OLFML2B: variants seen among roughly 807,000 people sequenced by gnomAD.
The protein encoded by OLFML2B is olfactomedin like 2B.
Under a neutral mutation model 74.9 loss-of-function variants are expected in OLFML2B, and 57 were observed. The ratio of observed to expected loss-of-function variants is 0.76; its 90% confidence interval spans 0.61 to 0.95. The LOEUF (loss-of-function observed/expected upper bound fraction) is 0.95. Among genes scored for constraint, OLFML2B ranks in the 40% least tolerant of loss-of-function variants. The pLI is 0.00. For synonymous variants in OLFML2B, 388 were observed against 405.8 expected (o/e 0.96, Z 0.53); for missense variants, 986 against 970.6 (o/e 1.02, Z -0.21).
rs561487799 is a variant in OLFML2B at position 162,017,699 on chromosome 1, G to A, written c.439-192C>T. ...ATGGTGTATGTGCATTCTGCCTTCC[G>A]AAATGTTTGGGTAAGAAAATGGGAG... On this transcript the variant is annotated intron_variant, in intron 2 of 7. Transcript: ENST00000294794. Among the ~76,000 whole-genome samples, 15 of 152,342 alleles carry A rather than the reference G, an allele frequency of 9.8e-5. No homozygotes were observed. In the South Asian group the frequency reaches 2.9e-3, roughly 29 times the overall value.
At position 161,983,873 on chromosome 1, in the gene OLFML2B, G is replaced by A. The variant is rs925246313; in HGVS notation, c.2055C>T (p.Ala685=). ...CATTCCGCTGGTTGTAGCTATCCAC[G>A]GCATACAGCACCCCACAGATGACGA... ...NCFVICGVLY[A]VDSYNQRNAN... is the part of the protein sequence containing the mutation. The change falls in exon 8 of 8, where the codon GCC becomes GCT. Residue 685 remains alanine, a synonymous_variant. Coordinates refer to ENST00000294794, the MANE Select transcript of OLFML2B (RefSeq NM_015441.3). The A allele has an allele frequency of 3.1e-6, 5 of 1,614,036 alleles. No homozygotes were observed. The Admixed American group carries it at 5.0e-5, about 16-fold the overall frequency.
chr1:161,983,824 T>C lies in OLFML2B; in HGVS notation c.2104A>G (p.Thr702Ala), dbSNP rs549619997. 9.3e-6 allele frequency: 15 copies of C among 1,614,086 alleles called. No homozygotes were observed. The highest frequency in any genetic ancestry group is 2.7e-5 in the African/African-American group (2 of 74,978). ...GGGACGATCTGTGTGTTGGTGTGGG[T>C]GTCGAAAGCGTAGGAGATGTTGGCA... ...RNANISYAFD[T>A]HTNTQIVPRL... Residue 702 changes from threonine (T) to alanine (A), a missense_variant, in exon 8 of 8, where the codon ACC becomes GCC. Coordinates refer to ENST00000294794, the MANE Select transcript of OLFML2B (RefSeq NM_015441.3).
Position 161,999,334 on chromosome 1 carries a change from T to A in OLFML2B, c.949+779A>T, listed in dbSNP as rs143332501. Reference sequence around the variant, plus strand: ...AATACATATGATGGCAAAGAACTTGTATCCAGAATATGTAAAAAACTACCA... The same window carrying A: ...AATACATATGATGGCAAAGAACTTGAATCCAGAATATGTAAAAAACTACCA... On this transcript the variant is annotated intron_variant, in intron 5 of 7. Transcript: ENST00000294794. Among the ~76,000 whole-genome samples, 1,229 of 152,216 alleles carry A rather than the reference T, an allele frequency of 8.1e-3. 9 individuals are homozygous for A. The highest frequency in any genetic ancestry group is 0.027 in the African/African-American group (1,120 of 41,510).
intron 5 of OLFML2B, 71 bp downstream of exon 5, chr1:162,000,042 G>T: frequency 8.3e-7 from 1 of 1,203,752 alleles, no homozygotes; most frequent in Admixed American, 2.1e-5. Flanking sequence ...CAGGAATCCA[G>T]CCCACTATGG....
rs900089827 is a variant in OLFML2B at position 161,983,293 on chromosome 1, C to T, written c.*382G>A. On this transcript the variant is annotated 3_prime_UTR_variant, in exon 8 of 8. Transcript: ENST00000294794. ...CTTTTTTTCTCGCCACATAGCACTT[C>T]TTTCTTGCCTCTTTCATTTCTGCTC... is the stretch of plus-strand genomic sequence containing the variant. 4 of 162,568 alleles carry T rather than the reference C, an allele frequency of 2.5e-5. No individual in the cohort carries two copies. The South Asian group carries it at 5.9e-4, about 24-fold the overall frequency. The allele number at this position is 162,568 out of a possible 1,614,324, so 10.1% of individuals were successfully genotyped here.
intron 4 of OLFML2B, among the ~76,000 whole-genome samples, chr1:162,005,924 A>AAG (rs1690215869): frequency 6.8e-6 from 1 of 147,434 alleles, no homozygotes; most frequent in Non-Finnish European, 1.5e-5. Context: ...AAAAAAAAAA[A>AAG]AAAATCATGC....
At chr1:161,995,616 T>C (rs572145914) in intron 6 of OLFML2B, among the ~76,000 whole-genome samples, 7 of 151,916 alleles carry the variant, frequency 4.6e-5, no homozygotes, top group African/African-American at 1.7e-4. Flanking sequence ...GGGACCCAGG[T>C]TGGTAGGTTA....
At position 162,009,178 on chromosome 1, in the gene OLFML2B, T is replaced by C. The variant is rs564288397; in HGVS notation, c.547-2705A>G. Among the ~76,000 whole-genome samples the C allele has an allele frequency of 5.4e-4, 82 of 152,186 alleles. No homozygotes were observed. The Middle Eastern group carries it at 0.01, about 19-fold the overall frequency. On this transcript the variant is annotated intron_variant, in intron 3 of 7. Coordinates refer to ENST00000294794, the MANE Select transcript of OLFML2B (RefSeq NM_015441.3). Reference sequence around the variant, plus strand: ...AAATAGACAAGAAAATATCAACTAGTGAAAAGTGCTCTGCAGAAACTCTGC... The same window carrying C: ...AAATAGACAAGAAAATATCAACTAGCGAAAAGTGCTCTGCAGAAACTCTGC...
chr1:161,987,863 G>C (rs578234850), intron 6 of OLFML2B, among the ~76,000 whole-genome samples: 2 of 152,184 alleles, frequency 1.3e-5, no homozygotes, highest in Non-Finnish European at 2.9e-5. Flanking sequence ...GCTGCCCTGC[G>C]GATGAGCCCA....
In OLFML2B at chr1:162,006,440, G is replaced by A; in HGVS notation, c.580C>T (p.Gln194Ter). The A allele has an allele frequency of 1.9e-6, 3 of 1,598,436 alleles. No individual in the cohort carries two copies. The highest frequency in any genetic ancestry group is 1.1e-5 in the South Asian group (1 of 88,604). The change falls in exon 4 of 8, where the codon CAA (glutamine) becomes TAA (stop). Residue 194 changes from glutamine (Q) to a stop codon, truncating the protein, a stop_gained. Transcript: ENST00000294794. LOFTEE classifies it high-confidence loss of function. ...VSKNLTKENE[Q>*]IKEDMEEIRT... ...ATTTCTTCCATGTCCTCTTTGATTT[G>A]TTCATTTTCCTTGGTGAGGTTTTTA...
intron 3 of OLFML2B, among the ~76,000 whole-genome samples, chr1:162,015,067 G>A (rs187275328): frequency 4.2e-4 from 64 of 152,220 alleles, no homozygotes; most frequent in African/African-American, 1.5e-3. Flanking sequence ...CATTACCCAG[G>A]AACAAATGGG....
At chr1:162,002,238 C>G (rs533494190) in intron 4 of OLFML2B, among the ~76,000 whole-genome samples, 1 of 152,224 alleles carries the variant, frequency 6.6e-6, no homozygotes, top group South Asian at 2.1e-4. Context: ...CGTGGCCCAG[C>G]CCTGCTCTCC....
intron 2 of OLFML2B, among the ~76,000 whole-genome samples, chr1:162,019,255 CAT>C (rs1241764743): frequency 1.3e-5 from 2 of 152,218 alleles, no homozygotes; most frequent in Non-Finnish European, 2.9e-5. Flanking sequence ...ATTATTACCA[CAT>C]GTTATTCAAG....
At position 162,005,902 on chromosome 1, in the gene OLFML2B, C is replaced by CTAAAAA. The variant is rs368990706; in HGVS notation, c.723+394_723+395insTTTTTA. ...CCTTGGTGGCAGAGCTGGAACCTAT[C>CTAAAAA]AAAAAAAAAAAAAAAAAAAAAAAAA... On this transcript the variant is annotated intron_variant, in intron 4 of 7. Coordinates refer to ENST00000294794, the MANE Select transcript of OLFML2B (RefSeq NM_015441.3). Among the ~76,000 whole-genome samples, 26 of 77,902 alleles carry CTAAAAA rather than the reference C, an allele frequency of 3.3e-4. 2 individuals carry two copies. The highest frequency in any genetic ancestry group is 7.2e-4 in the African/African-American group (21 of 29,200). The allele number at this position is 77,902 out of a possible 152,430, so 51.1% of individuals were successfully genotyped here. A position where few individuals can be genotyped will look rare whatever the true frequency, so the allele number is the denominator to read the frequency against.
At chr1:161,995,881 C>T (rs551310627) in intron 6 of OLFML2B, among the ~76,000 whole-genome samples, 1 of 152,182 alleles carries the variant, frequency 6.6e-6, no homozygotes, top group Non-Finnish European at 1.5e-5. Flanking sequence ...GGGAAGTTCA[C>T]TTCCATGGCA....
At position 161,997,693 on chromosome 1, in the gene OLFML2B, G is replaced by A. The variant is rs1310563225; in HGVS notation, c.1474+132C>T. On this transcript the variant is annotated intron_variant, in intron 6 of 7. Transcript: ENST00000294794. ...ATGTTAAAACTAATCGTTGGTCAAA[G>A]GCTTAACTCCACTTGCCATTCCCAT... The A allele has an allele frequency of 5.2e-6, 5 of 966,286 alleles. No homozygotes were observed. In the African/African-American group the frequency reaches 8.1e-5, roughly 16 times the overall value. 59.9% of individuals were successfully genotyped at this position (966,286 alleles called of 1,614,324 possible). A position where few individuals can be genotyped will look rare whatever the true frequency, so the allele number is the denominator to read the frequency against.
At chr1:162,006,619 C>G (rs1416038256) in intron 3 of OLFML2B, 146 bp from the exon 4 acceptor site, 8 of 642,280 alleles carry the variant, frequency 1.2e-5, no homozygotes, top group Non-Finnish European at 2.0e-5. Context: ...GAGAGTGTGC[C>G]CAGCCCTGGG....
chr1:161,992,753 C>T (rs530820733), intron 6 of OLFML2B, among the ~76,000 whole-genome samples: 2 of 152,316 alleles, frequency 1.3e-5, no homozygotes, highest in Admixed American at 6.5e-5. Context: ...ATTGAGTTCA[C>T]TGCTTTGTAT....
At chr1:162,016,658 A>G (rs1690552732) in intron 3 of OLFML2B, among the ~76,000 whole-genome samples, 1 of 152,236 alleles carries the variant, frequency 6.6e-6, no homozygotes, top group Non-Finnish European at 1.5e-5. Context: ...ATAAGATTGA[A>G]TAATGATCGT....
Sources: gnomAD v4.1 joint callset for allele counts (sites outside exome capture counted in the v4.1 genomes callset) on GRCh38, gnomAD v4.1.1 for gene constraint, MANE v1.5 for transcripts, NCBI Gene and HGNC (gene_info 2026-07-23, HGNC 2026-07-21) for gene names.